ARFIP1: variants seen among roughly 807,000 people sequenced by gnomAD.
The protein encoded by ARFIP1 is ARF interacting protein 1, also known as arfaptin-1.
In ARFIP1, 24 loss-of-function variants were observed where a neutral mutation model predicts 42.5. The ratio of observed to expected loss-of-function variants is 0.57; its 90% confidence interval spans 0.41 to 0.80. ARFIP1 has a LOEUF of 0.80. Among genes scored for constraint, ARFIP1 ranks in the 30% least tolerant of loss-of-function variants. The probability of loss-of-function intolerance (pLI) is 0.00; values close to 1 mark genes in which losing one functional copy is unlikely to be tolerated. For synonymous variants in ARFIP1, 141 were observed against 153.7 expected (o/e 0.92, Z 0.61); for missense variants, 354 against 434.0 (o/e 0.82, Z 1.64).
At chr4:152,868,143 GTTATAC>G (rs1412831742) in intron 3 of ARFIP1, among the ~76,000 whole-genome samples, 1 of 152,164 alleles carries the variant, frequency 6.6e-6, no homozygotes, top group African/African-American at 2.4e-5. Flanking sequence ...AAATTAAAAA[GTTATAC>G]TTAAATTCAG....
At chr4:152,804,513 A>G (rs1228599799) in intron 1 of ARFIP1, among the ~76,000 whole-genome samples, 1 of 130,380 alleles carries the variant, frequency 7.7e-6, no homozygotes, top group Non-Finnish European at 1.6e-5. Flanking sequence ...ATATATATAT[A>G]TATAGTTGGG....
intron 3 of ARFIP1, among the ~76,000 whole-genome samples, chr4:152,866,951 A>G (rs971267204): frequency 3.6e-4 from 54 of 148,754 alleles, no homozygotes; most frequent in Non-Finnish European, 4.7e-4. Context: ...GGCCGGGAAG[A>G]GGCGCTCCTC....
chr4:152,900,136 G>A (rs1338091041), intron 8 of ARFIP1, among the ~76,000 whole-genome samples: 1 of 150,374 alleles, frequency 6.7e-6, no homozygotes, highest in Non-Finnish European at 1.5e-5. Flanking sequence ...AGGGTGGAAG[G>A]AAGAAAAGGA....
At chr4:152,803,717 G>C (rs1728603786) in intron 1 of ARFIP1, among the ~76,000 whole-genome samples, 2 of 152,092 alleles carry the variant, frequency 1.3e-5, no homozygotes, top group South Asian at 4.1e-4. Context: ...CCAACTGCTA[G>C]GAGTAGGAGG....
intron 1 of ARFIP1, among the ~76,000 whole-genome samples, chr4:152,781,403 ATTTTT>A (rs1561090662): frequency 6.6e-6 from 1 of 151,902 alleles, no homozygotes; most frequent in Non-Finnish European, 1.5e-5. Flanking sequence ...CGCCTAGCTA[ATTTTT>A]GTATTTTTAG....
At chr4:152,868,845 G>A (rs557468805) in intron 3 of ARFIP1, among the ~76,000 whole-genome samples, 3 of 152,166 alleles carry the variant, frequency 2.0e-5, no homozygotes, top group Non-Finnish European at 4.4e-5. Flanking sequence ...GTAACTTGTA[G>A]ATTAGTGATT....
chr4:152,854,214 A>G (rs985503021), intron 2 of ARFIP1, among the ~76,000 whole-genome samples: 1 of 152,124 alleles, frequency 6.6e-6, no homozygotes, highest in Admixed American at 6.5e-5. Context: ...CACTCAGCCA[A>G]GTTCTGAGAT....
At chr4:152,857,305 GT>G (rs1035118951) in intron 2 of ARFIP1, among the ~76,000 whole-genome samples, 1 of 152,104 alleles carries the variant, frequency 6.6e-6, no homozygotes, top group Non-Finnish European at 1.5e-5. Context: ...CTGAAATAAT[GT>G]TTTTTTAAAG....
At chr4:152,796,348 A>G (rs1037834249) in intron 1 of ARFIP1, 28 of 740,986 alleles carry the variant, frequency 3.8e-5, no homozygotes, top group Non-Finnish European at 1.2e-5. Flanking sequence ...TTTCATATTT[A>G]GGTGGTTTTC....
chr4:152,842,511 A>G (rs1394822113), intron 2 of ARFIP1, among the ~76,000 whole-genome samples: 1 of 152,044 alleles, frequency 6.6e-6, no homozygotes, highest in Non-Finnish European at 1.5e-5. Flanking sequence ...ATGTTTTCCA[A>G]GCTTTTAGAA....
chr4:152,883,611 T>C (rs1236476695), intron 7 of ARFIP1, among the ~76,000 whole-genome samples: 1 of 151,792 alleles, frequency 6.6e-6, no homozygotes, highest in Non-Finnish European at 1.5e-5. Flanking sequence ...GGTTTTTGTA[T>C]ATCCATATTC....
intron 1 of ARFIP1, among the ~76,000 whole-genome samples, chr4:152,805,920 C>T (rs890003348): frequency 6.6e-5 from 10 of 152,284 alleles, no homozygotes; most frequent in South Asian, 2.1e-4. Flanking sequence ...TAATACAAGG[C>T]GGGCTCTGCC....
Position 152,870,797 on chromosome 4 carries a change from G to A in ARFIP1, c.247G>A (p.Val83Ile). Residue 83 changes from valine to isoleucine, a missense_variant, in exon 4 of 9, where the codon GTT becomes ATT. Coordinates refer to ENST00000353617, the MANE Select transcript of ARFIP1 (RefSeq NM_001025595.3). ...PLPSVMSPSR[V>I]AASRLAQQGS... ...GCCATCTGTTATGTCTCCTAGCAGG[G>A]TTGCAGCTAGTCGACTGGCTCAGCA... 1.2e-6 allele frequency: 2 copies of A among 1,614,088 alleles called. No individual in the cohort carries two copies. The highest frequency in any genetic ancestry group is 1.7e-6 in the Non-Finnish European group (2 of 1,179,956).
chr4:152,845,551 G>T (rs1732471301), intron 2 of ARFIP1, among the ~76,000 whole-genome samples: 1 of 152,082 alleles, frequency 6.6e-6, no homozygotes, highest in Admixed American at 6.6e-5. Context: ...GACATGAATA[G>T]ACGCTTTTCA....
At position 152,910,803 on chromosome 4, in the gene ARFIP1, A is replaced by G. The variant is rs1298429033; in HGVS notation, c.*584A>G. 3 of 152,182 alleles carry G rather than the reference A, an allele frequency of 2.0e-5. No individual in the cohort carries two copies. Among genetic ancestry groups the G allele is most frequent in the Non-Finnish European group, 2.9e-5 (2 of 68,022 alleles). The allele number at this position is 152,182 out of a possible 1,614,324, so 9.4% of individuals were successfully genotyped here. On this transcript the variant is annotated 3_prime_UTR_variant, in exon 9 of 9. Coordinates refer to ENST00000353617, the MANE Select transcript of ARFIP1 (RefSeq NM_001025595.3). The stretch of plus-strand genomic sequence containing the variant: ...TTTAAAAATGAATCTGTACCACTGT[A>G]ATTTTATTTAGACTTTTTTTTAAAG...
chr4:152,823,577 G>A (rs1317453666), intron 1 of ARFIP1, among the ~76,000 whole-genome samples: 2 of 151,736 alleles, frequency 1.3e-5, no homozygotes, highest in Admixed American at 6.6e-5. Flanking sequence ...TCAGGAGTTC[G>A]AGACCAGCCC....
intron 8 of ARFIP1, among the ~76,000 whole-genome samples, chr4:152,888,792 T>C (rs1017689235): frequency 6.6e-6 from 1 of 152,138 alleles, no homozygotes; most frequent in Admixed American, 6.6e-5. Flanking sequence ...TTTTTTCATA[T>C]GTGAACACAT....
intron 1 of ARFIP1, among the ~76,000 whole-genome samples, chr4:152,822,296 T>TAAAAAAAAAA (rs70949618): frequency 3.0e-5 from 2 of 65,580 alleles, no homozygotes; most frequent in African/African-American, 5.1e-5. Flanking sequence ...GCAACAGCAG[T>TAAAAAAAAAA]AAAAAAAAAA....
chr4:152,881,106 G>A lies in ARFIP1; in HGVS notation c.555G>A (p.Gln185=). The A allele has an allele frequency of 1.9e-6, 3 of 1,613,800 alleles. No individual in the cohort carries two copies. Among genetic ancestry groups the A allele is most frequent in the Non-Finnish European group, 2.5e-6 (3 of 1,179,736 alleles). The stretch of plus-strand genomic sequence containing the variant: ...AACTGGCTCAAACATTGTCGACCCA[G>A]CTTTTCCAGATGGTACATACCCAAA... ...ILKLAQTLST[Q]LFQMVHTQRQ... Residue 185 remains glutamine (Q), a synonymous_variant, in exon 6 of 9, where the codon CAG becomes CAA. Transcript: ENST00000353617.
Sources: gnomAD v4.1 joint callset for allele counts (sites outside exome capture counted in the v4.1 genomes callset) on GRCh38, gnomAD v4.1.1 for gene constraint, MANE v1.5 for transcripts, NCBI Gene and HGNC (gene_info 2026-07-23, HGNC 2026-07-21) for gene names.